Variants in CALN1 observed in about 807,000 individuals in gnomAD.
CALN1 encodes calcium-binding protein 8.
CALN1 carries 17 observed loss-of-function variants against 30.6 expected under a neutral mutation model. That is an observed-to-expected ratio of 0.56 (90% CI 0.38 to 0.83). The LOEUF is 0.83. CALN1 is among the 40% of genes least tolerant of loss of function. The pLI, the probability that CALN1 is intolerant of heterozygous loss-of-function variation, is 0.00. For missense variants in CALN1, 291 were observed against 354.9 expected, an observed-to-expected ratio of 0.82 and a Z score of 1.45; for synonymous variants, 156 against 131.4, an observed-to-expected ratio of 1.19 and a Z score of -1.28.
intron 2 of CALN1, among the ~76,000 whole-genome samples, chr7:72,299,353 G>T (rs558165641): frequency 6.6e-6 from 1 of 152,122 alleles, no homozygotes; most frequent in African/African-American, 2.4e-5. Context: ...ATGCAGTAAA[G>T]CATGAACACA....
At chr7:72,241,303 T>C (rs749871033) in intron 3 of CALN1, among the ~76,000 whole-genome samples, 29 of 152,192 alleles carry the variant, frequency 1.9e-4, no homozygotes, top group Non-Finnish European at 2.8e-4. Flanking sequence ...TTCTCAGACT[T>C]GTGCACTGCA....
chr7:72,395,272 G>A (rs866039726), intron 2 of CALN1, among the ~76,000 whole-genome samples: 1 of 152,078 alleles, frequency 6.6e-6, no homozygotes, highest in Non-Finnish European at 1.5e-5. Flanking sequence ...TAAGAACTAG[G>A]CATGTCCCCG....
intron 3 of CALN1, among the ~76,000 whole-genome samples, chr7:72,183,709 T>A (rs190697189): frequency 6.6e-6 from 1 of 152,184 alleles, no homozygotes; most frequent in Non-Finnish European, 1.5e-5. Context: ...AATAAACTCA[T>A]CAGGATTTCC....
Position 71,787,428 on chromosome 7 carries a change from CT to C in CALN1, c.*346del. On this transcript the variant is annotated 3_prime_UTR_variant, in exon 7 of 7. Coordinates refer to ENST00000395275, the MANE Select transcript of CALN1 (RefSeq NM_031468.4). The stretch of plus-strand genomic sequence containing the variant: ...TGTGTTCATGCCTCTCTCTTGCTCT[CT>C]CACCATTATACCTGGATGGCTGCTG... 4.7e-5 allele frequency: 11 copies of C among 235,618 alleles called. No individual in the cohort carries two copies. The highest frequency in any genetic ancestry group is 2.6e-4 in the South Asian group (4 of 15,192). The allele number at this position is 235,618 out of a possible 1,614,324, so 14.6% of individuals were successfully genotyped here. A position where few individuals can be genotyped will look rare whatever the true frequency, so the allele number is the denominator to read the frequency against.
intron 4 of CALN1, among the ~76,000 whole-genome samples, chr7:72,096,754 T>C (rs1179861414): frequency 1.3e-4 from 20 of 152,222 alleles, no homozygotes. Flanking sequence ...AGTGTGGCGA[T>C]TCCTCAAGGA....
chr7:71,944,594 C>CAAAAAAAAAAAAAA (rs10677940), intron 5 of CALN1, among the ~76,000 whole-genome samples: 7 of 60,000 alleles, frequency 1.2e-4, no homozygotes, highest in African/African-American at 2.0e-4. Context: ...AACTCCATCC[C>CAAAAAAAAAAAAAA]AAAAAAAAAA....
chr7:72,150,626 G>T (rs1325225333), intron 3 of CALN1, among the ~76,000 whole-genome samples: 1 of 152,166 alleles, frequency 6.6e-6, no homozygotes, highest in Non-Finnish European at 1.5e-5. Flanking sequence ...GAGAGGGTGA[G>T]CTTGATATTG....
chr7:71,973,153 AAATTGAATT>A (rs1345519632), intron 5 of CALN1, among the ~76,000 whole-genome samples: 1 of 152,012 alleles, frequency 6.6e-6, no homozygotes, highest in Non-Finnish European at 1.5e-5. Flanking sequence ...CATTCCCTGA[AAATTGAATT>A]CTGTTTTGGG....
chr7:71,875,399 C>T (rs748696211), intron 5 of CALN1, among the ~76,000 whole-genome samples: 4 of 152,100 alleles, frequency 2.6e-5, no homozygotes, highest in Non-Finnish European at 5.9e-5. Context: ...CCAGGAAAGC[C>T]GTGGGGTGAA....
intron 5 of CALN1, among the ~76,000 whole-genome samples, chr7:71,846,068 T>C (rs1790215981): frequency 6.6e-6 from 1 of 151,926 alleles, no homozygotes; most frequent in Admixed American, 6.6e-5. Context: ...AAATAAAAGA[T>C]TAACACTCTC....
intron 3 of CALN1, among the ~76,000 whole-genome samples, chr7:72,173,132 T>C (rs1789085703): frequency 6.6e-6 from 1 of 152,128 alleles, no homozygotes; most frequent in African/African-American, 2.4e-5. Context: ...ACAAGGTTTA[T>C]ATGAAAACAA....
intron 5 of CALN1, among the ~76,000 whole-genome samples, chr7:71,853,741 G>A (rs1790781635): frequency 6.6e-6 from 1 of 151,948 alleles, no homozygotes; most frequent in African/African-American, 2.4e-5. Context: ...CACCACACCT[G>A]GCTAATTTTT....
intron 3 of CALN1, among the ~76,000 whole-genome samples, chr7:72,277,228 T>C (rs929150205): frequency 2.0e-5 from 3 of 152,240 alleles, no homozygotes; most frequent in African/African-American, 7.2e-5. Flanking sequence ...CTGTTTTTTA[T>C]GAGCCACCTA....
At chr7:71,827,004 G>A (rs1455020480) in intron 5 of CALN1, among the ~76,000 whole-genome samples, 1 of 152,214 alleles carries the variant, frequency 6.6e-6, no homozygotes, top group Non-Finnish European at 1.5e-5. Context: ...ATCTCTTGCA[G>A]CCTGGAGGAA....
intron 5 of CALN1, among the ~76,000 whole-genome samples, chr7:71,998,634 ATC>A (rs1357782127): frequency 6.6e-6 from 1 of 150,420 alleles, no homozygotes; most frequent in Non-Finnish European, 1.5e-5. Context: ...CAGTGGCATG[ATC>A]TTGGCTCACT....
rs58282615 is a variant in CALN1, at chr7:72,246,753, AT to A, written c.244+31932del. On this transcript the variant is annotated intron_variant, in intron 3 of 6. Transcript: ENST00000395275. ...AATGATCCTCATTCCTACCAGAACA[AT>A]TTTTTTTTTTTTTTTTTGAGATGGA... Among the ~76,000 whole-genome samples, 166 of 116,570 alleles carry A rather than the reference AT, an allele frequency of 1.4e-3. 1 individual carries two copies. The highest frequency in any genetic ancestry group is 2.6e-3 in the African/African-American group (81 of 30,774). 76.5% of individuals were successfully genotyped at this position (116,570 alleles called of 152,430 possible). A position where few individuals can be genotyped will look rare whatever the true frequency, so the allele number is the denominator to read the frequency against.
rs1797753391 is a variant in CALN1 at position 71,970,748 on chromosome 7, A to G, written c.501+52909T>C. Among the ~76,000 whole-genome samples, 3 of 152,180 alleles carry G rather than the reference A, an allele frequency of 2.0e-5. No homozygotes were observed. In the South Asian group the frequency reaches 6.2e-4, roughly 32 times the overall value. On this transcript the variant is annotated intron_variant, in intron 5 of 6. Coordinates refer to ENST00000395275, the MANE Select transcript of CALN1 (RefSeq NM_031468.4). Reference sequence around the variant, plus strand: ...ATTTTCAATAAGGAGCAGAGAAGGGAAGTGCTCCTTATTCACAAAAGGGCT... The same window carrying G: ...ATTTTCAATAAGGAGCAGAGAAGGGGAGTGCTCCTTATTCACAAAAGGGCT...
chr7:72,177,326 C>A (rs754483036), intron 3 of CALN1, among the ~76,000 whole-genome samples: 56 of 152,116 alleles, frequency 3.7e-4, no homozygotes, highest in Non-Finnish European at 6.5e-4. Context: ...AATAAGACAT[C>A]CCGGGCTATG....
chr7:72,444,646 T>C (rs1051126922), intron 1 of CALN1, among the ~76,000 whole-genome samples: 15 of 152,178 alleles, frequency 9.9e-5, no homozygotes, highest in Admixed American at 3.9e-4. Flanking sequence ...GGAGTCACTA[T>C]AACTATTTAA....
Sources: allele counts gnomAD v4.1 joint callset (sites outside exome capture counted in the v4.1 genomes callset), GRCh38; gene constraint gnomAD v4.1.1; transcripts MANE v1.5; gene names NCBI Gene and HGNC (gene_info 2026-07-23, HGNC 2026-07-21).